The following MYO1B variants were observed in gnomAD, a reference collection of about 807,000 sequenced individuals.
MYO1B encodes myosin IB.
MYO1B carries 72 observed loss-of-function variants against 159.7 expected under a neutral mutation model. The ratio of observed to expected loss-of-function variants is 0.45; its 90% CI spans 0.37 to 0.55. MYO1B has a LOEUF of 0.55. MYO1B is among the 20% of genes least tolerant of loss of function. The pLI, the probability that MYO1B is intolerant of heterozygous loss-of-function variation, is 0.00. For synonymous variants in MYO1B, 468 were observed against 473.8 expected (o/e 0.99, Z 0.16); for missense variants, 1,062 against 1,364.8 (o/e 0.78, Z 3.50).
intron 1 of MYO1B, among the ~76,000 whole-genome samples, chr2:191,255,862 A>G (rs1686412036): frequency 6.6e-6 from 1 of 152,006 alleles, no homozygotes; most frequent in African/African-American, 2.4e-5. Context: ...CTGCTCAGCA[A>G]TTTTCTCCTG....
intron 3 of MYO1B, among the ~76,000 whole-genome samples, chr2:191,299,899 G>T (rs1689205748): frequency 6.6e-6 from 1 of 152,176 alleles, no homozygotes; most frequent in East Asian, 1.9e-4. Flanking sequence ...CATGGAATCT[G>T]CCATAACTCT....
chr2:191,346,127 C>G (rs1312439488), intron 5 of MYO1B, 109 bp from the exon 6 acceptor site: 1 of 845,336 alleles, frequency 1.2e-6, no homozygotes, highest in African/African-American at 1.8e-5. Context: ...ATCATTGCTA[C>G]AAGTTGTATT....
At position 191,393,131 on chromosome 2, in the gene MYO1B, A is replaced by G; in HGVS notation, c.2135A>G (p.Gln712Arg). 1 of 1,614,110 alleles carries G rather than the reference A, an allele frequency of 6.2e-7. No individual in the cohort carries two copies. The change falls in exon 20 of 31, where the codon CAG (glutamine) becomes CGG (arginine). Residue 712 changes from glutamine (Q) to arginine (R), a missense_variant. Coordinates refer to ENST00000392318, the MANE Select transcript of MYO1B (RefSeq NM_001130158.3). ...CTGGAGGACTTGGCCACTCTCATTC[A>G]GAAGATATATCGGGGGTGGAAATGC... ...QRLEDLATLI[Q>R]KIYRGWKCRT...
chr2:191,348,082 A>G (rs772752289), intron 6 of MYO1B, among the ~76,000 whole-genome samples: 6 of 152,186 alleles, frequency 3.9e-5, no homozygotes, highest in Non-Finnish European at 8.8e-5. Flanking sequence ...TTCTGAGTGG[A>G]CTAGTGACAT....
intron 5 of MYO1B, among the ~76,000 whole-genome samples, chr2:191,344,829 C>CAAAAAAA (rs10646926): frequency 5.3e-5 from 3 of 56,142 alleles, no homozygotes; most frequent in East Asian, 6.2e-4. Flanking sequence ...GACTCCGTCT[C>CAAAAAAA]AAAAAAAAAA....
At position 191,390,493 on chromosome 2, in the gene MYO1B, G is replaced by C. The variant is rs757926686; in HGVS notation, c.1982+1G>C. The C allele has an allele frequency of 6.2e-7, 1 of 1,610,980 alleles. No homozygotes were observed. The highest frequency in any genetic ancestry group is 8.5e-7 in the Non-Finnish European group (1 of 1,178,254). On this transcript the variant is annotated splice_donor_variant, in intron 18 of 30. Transcript: ENST00000392318. LOFTEE classifies it high-confidence loss of function. ...GGCCTCATTGGAAAGGACCAGCCAG[G>C]TAAGAAATTCAGTGACCATATTTAA...
chr2:191,250,569 A>G (rs1574258438), intron 1 of MYO1B, among the ~76,000 whole-genome samples: 2 of 152,250 alleles, frequency 1.3e-5, no homozygotes, highest in Non-Finnish European at 2.9e-5. Context: ...TGGACAAGAC[A>G]TGCCAAATCT....
At chr2:191,248,875 C>T (rs1559115111) in intron 1 of MYO1B, among the ~76,000 whole-genome samples, 1 of 152,100 alleles carries the variant, frequency 6.6e-6, no homozygotes, top group Non-Finnish European at 1.5e-5. Flanking sequence ...ACTTTCACGT[C>T]TATTATTGTA....
chr2:191,303,420 C>T (rs1168054555), intron 3 of MYO1B, among the ~76,000 whole-genome samples: 1 of 152,174 alleles, frequency 6.6e-6, no homozygotes, highest in Non-Finnish European at 1.5e-5. Flanking sequence ...TCCAGTACGT[C>T]TCCACAAATA....
intron 30 of MYO1B, among the ~76,000 whole-genome samples, chr2:191,422,038 C>G (rs1031129549): frequency 1.3e-5 from 2 of 152,158 alleles, no homozygotes; most frequent in Non-Finnish European, 2.9e-5. Context: ...TTGTTTCATT[C>G]TAGCAGATAA....
At chr2:191,339,035 GGAT>G (rs1340378505) in intron 4 of MYO1B, among the ~76,000 whole-genome samples, 4 of 152,156 alleles carry the variant, frequency 2.6e-5, no homozygotes, top group Non-Finnish European at 5.9e-5. Context: ...GTTCAGGTGG[GGAT>G]GGGGAACAAA....
chr2:191,257,147 T>C (rs915400456), intron 1 of MYO1B, among the ~76,000 whole-genome samples: 23 of 152,226 alleles, frequency 1.5e-4, no homozygotes, highest in African/African-American at 5.6e-4. Flanking sequence ...GCATCAGTTT[T>C]ATTTTTATTG....
intron 30 of MYO1B, among the ~76,000 whole-genome samples, chr2:191,418,417 T>C (rs941401130): frequency 6.6e-6 from 1 of 151,736 alleles, no homozygotes. Flanking sequence ...GATTCTGTAA[T>C]CATTATGGAT....
chr2:191,339,316 T>G (rs1244292656), intron 4 of MYO1B, among the ~76,000 whole-genome samples: 1 of 151,930 alleles, frequency 6.6e-6, no homozygotes, highest in East Asian at 1.9e-4. Context: ...CCCCCAGGAG[T>G]GAAATGAAAT....
chr2:191,368,442 GTACT>G (rs940006085), intron 11 of MYO1B, among the ~76,000 whole-genome samples: 13 of 152,156 alleles, frequency 8.5e-5, no homozygotes, highest in Non-Finnish European at 1.0e-4. Flanking sequence ...CATCTCATTA[GTACT>G]TACTTACTGT....
intron 30 of MYO1B, among the ~76,000 whole-genome samples, chr2:191,422,636 CTAT>C (rs576690610): frequency 1.6e-4 from 24 of 152,118 alleles, no homozygotes; most frequent in Non-Finnish European, 3.2e-4. Context: ...CTGTAGGTCA[CTAT>C]TATTTTGAAA....
chr2:191,369,743 T>C, intron 12 of MYO1B, 115 bp downstream of exon 12: 1 of 786,746 alleles, frequency 1.3e-6, no homozygotes, highest in Non-Finnish European at 2.1e-6. Flanking sequence ...TTACAAAGAT[T>C]ATTCCTTAAA....
intron 20 of MYO1B, among the ~76,000 whole-genome samples, chr2:191,395,853 C>A (rs189010536): frequency 7.9e-5 from 12 of 152,352 alleles, no homozygotes; most frequent in Non-Finnish European, 1.8e-4. Flanking sequence ...GGCAGGGATG[C>A]AGTCAGATGC....
intron 4 of MYO1B, among the ~76,000 whole-genome samples, chr2:191,339,462 C>G (rs1692073766): frequency 6.6e-6 from 1 of 152,130 alleles, no homozygotes; most frequent in African/African-American, 2.4e-5. Context: ...AGTTGAGGAA[C>G]TTTAAATGTT....
Sources: allele counts gnomAD v4.1 joint callset (sites outside exome capture counted in the v4.1 genomes callset), GRCh38; gene constraint gnomAD v4.1.1; transcripts MANE v1.5; gene names NCBI Gene and HGNC (gene_info 2026-07-23, HGNC 2026-07-21).